The following ILDR2 variants were observed in gnomAD, a reference collection of about 807,000 sequenced individuals.
The protein encoded by ILDR2 is immunoglobulin like domain containing receptor 2, also known as immunoglobulin-like domain-containing receptor 2.
ILDR2 carries 25 observed loss-of-function variants against 66.8 expected under a neutral mutation model. The ratio of observed to expected loss-of-function variants is 0.37; its 90% CI spans 0.27 to 0.52. The LOEUF (loss-of-function observed/expected upper bound fraction) is 0.52. Ranked by LOEUF, ILDR2 falls within the 20% of genes least tolerant of loss-of-function variation. ILDR2 has a pLI of 0.88. For missense variants in ILDR2, 827 were observed against 876.8 expected (o/e 0.94, Z 0.72); for synonymous variants, 367 against 357.2 (o/e 1.03, Z -0.31).
At position 166,936,487 on chromosome 1, in the gene ILDR2, G is replaced by A. The variant is rs1660988215; in HGVS notation, c.703+104C>T. On this transcript the variant is annotated intron_variant, in intron 5 of 9. Transcript: ENST00000271417. This position sits in a 1 kb window ranked among gnomAD's most constrained non-coding sequence, Gnocchi z 5.0. ...GTCTGGAATGACCAATCTTGGGGGT[G>A]GCAGGACAGGAGGTGGAGGAGGAAC... is the stretch of plus-strand genomic sequence containing the variant. 1 of 1,536,158 alleles carries A rather than the reference G, an allele frequency of 6.5e-7. No individual in the cohort carries two copies. Among genetic ancestry groups the A allele is most frequent in the Non-Finnish European group, 8.8e-7 (1 of 1,131,120 alleles).
chr1:166,956,666 G>A lies in ILDR2; in HGVS notation c.499+67C>T. On this transcript the variant is annotated intron_variant, in intron 3 of 9. Transcript: ENST00000271417. ...AATGCACACAGGGGAGAAGTGAGAA[G>A]AGGGATAGGATACAGTGCAAGTGCA... The A allele has an allele frequency of 3.2e-6, 5 of 1,566,886 alleles. No homozygotes were observed. The East Asian group carries it at 9.0e-5, about 28-fold the overall frequency.
chr1:166,947,558 A>T (rs1661699583), intron 3 of ILDR2, among the ~76,000 whole-genome samples: 1 of 152,152 alleles, frequency 6.6e-6, no homozygotes, highest in Admixed American at 6.5e-5. Flanking sequence ...TTGGAGAAAA[A>T]TGGGACAACT....
rs779426071 is a variant in ILDR2 at position 166,936,574 on chromosome 1, G to A, written c.703+17C>T. On this transcript the variant is annotated intron_variant, in intron 5 of 9. Coordinates refer to ENST00000271417, the MANE Select transcript of ILDR2 (RefSeq NM_199351.3). The surrounding 1 kb of genome is among the most constrained non-coding windows in gnomAD (Gnocchi z 5.0). Reference sequence around the variant, plus strand: ...TTCTCTCGATCGCTCTGTCTCCCCAGCGGTCACTGTACTCACAGGCTTGAG... The same window carrying A: ...TTCTCTCGATCGCTCTGTCTCCCCAACGGTCACTGTACTCACAGGCTTGAG... 1.9e-6 allele frequency: 3 copies of A among 1,614,102 alleles called. No individual in the cohort carries two copies. The highest frequency in any genetic ancestry group is 2.5e-6 in the Non-Finnish European group (3 of 1,180,006).
At position 166,938,424 on chromosome 1, in the gene ILDR2, T is replaced by C. The variant is rs1475308783; in HGVS notation, c.556+1090A>G. On this transcript the variant is annotated intron_variant, in intron 4 of 9. Coordinates refer to ENST00000271417, the MANE Select transcript of ILDR2 (RefSeq NM_199351.3). ...GTAACTCTTTCTTGAGACTGGGACA[T>C]GTAACATCTAGTTTCAAGCACTGCA... Among the ~76,000 whole-genome samples the C allele has an allele frequency of 5.3e-5, 8 of 152,202 alleles. No homozygotes were observed. In the East Asian group the frequency reaches 1.5e-3, roughly 29 times the overall value.
At chr1:166,897,792 T>C (rs1659198427) in intron 2 of ILDR2, among the ~76,000 whole-genome samples, 2 of 152,276 alleles carry the variant, frequency 1.3e-5, no homozygotes, top group African/African-American at 4.8e-5. Flanking sequence ...ATCTTTCTTT[T>C]GGCTAGCCCT....
rs925817910 is a variant in ILDR2 at position 166,920,970 on chromosome 1, C to T, written c.1621G>A (p.Gly541Ser). 1.3e-6 allele frequency: 2 copies of T among 1,486,704 alleles called. No individual in the cohort carries two copies. Among genetic ancestry groups the T allele is most frequent in the East Asian group, 2.8e-5 (1 of 35,750 alleles). The allele number at this position is 1,486,704 out of a possible 1,614,324, so 92.1% of individuals were successfully genotyped here. ...SARERQARPE[G>S]ASRGGSLETP... The stretch of plus-strand genomic sequence containing the variant: ...TCCAGGCTGCCACCGCGGCTGGCGC[C>T]CTCGGGCCGCGCCTGGCGCTCCCGC... The change falls in exon 9 of 10, where the codon GGC becomes AGC. Residue 541 changes from glycine (G) to serine (S), a missense_variant. Physicochemically the swap from Gly to Ser is moderately conservative, Grantham distance 56. Transcript: ENST00000271417.
At chr1:166,968,707 T>G (rs1400846033) in intron 1 of ILDR2, among the ~76,000 whole-genome samples, 1 of 151,994 alleles carries the variant, frequency 6.6e-6, no homozygotes, top group Admixed American at 6.6e-5. Flanking sequence ...AGCAGAAGCT[T>G]TAAAGGCATT....
At chr1:166,939,106 A>G (rs1661156778) in intron 4 of ILDR2, among the ~76,000 whole-genome samples, 1 of 152,258 alleles carries the variant, frequency 6.6e-6, no homozygotes, top group Non-Finnish European at 1.5e-5. Flanking sequence ...ATGTTATAAA[A>G]GGCAATTCAG....
At chr1:166,947,671 T>TC (rs1053200603) in intron 3 of ILDR2, among the ~76,000 whole-genome samples, 32 of 151,542 alleles carry the variant, frequency 2.1e-4, no homozygotes, top group Middle Eastern at 6.9e-3. Context: ...CCCCGTTTCC[T>TC]CCCCCGCTCG....
chr1:166,960,364 T>C (rs763750024), intron 1 of ILDR2, among the ~76,000 whole-genome samples: 5 of 152,208 alleles, frequency 3.3e-5, no homozygotes, highest in Non-Finnish European at 5.9e-5. Flanking sequence ...ACTAGTTAAA[T>C]GAGTCAGAAG....
At chr1:166,972,882 G>A (rs958432484) in intron 1 of ILDR2, among the ~76,000 whole-genome samples, 1 of 152,046 alleles carries the variant, frequency 6.6e-6, no homozygotes, top group African/African-American at 2.4e-5. Context: ...CATTGATTGG[G>A]CTGGACTAAA....
intron 7 of ILDR2, among the ~76,000 whole-genome samples, chr1:166,924,490 C>A (rs946588873): frequency 1.5e-4 from 23 of 152,136 alleles, no homozygotes; most frequent in African/African-American, 5.6e-4. Context: ...AAAATTTCTG[C>A]CAAGTTGAAC....
intron 2 of ILDR2, among the ~76,000 whole-genome samples, chr1:166,898,083 G>A (rs990472849): frequency 4.6e-5 from 7 of 152,132 alleles, no homozygotes; most frequent in Non-Finnish European, 1.0e-4. Context: ...AAAACAAGTT[G>A]ACAATGACTC....
At position 166,913,319 on chromosome 1, in the gene ILDR2, T is replaced by C. The variant is rs1162152847; in HGVS notation, c.*6036A>G. 1 of 152,184 alleles carries C rather than the reference T, an allele frequency of 6.6e-6. No homozygotes were observed. Among genetic ancestry groups the C allele is most frequent in the African/African-American group, 2.4e-5 (1 of 41,450 alleles). The allele number at this position is 152,184 out of a possible 1,614,324, so 9.4% of individuals were successfully genotyped here. ...TAATACAAACATTTCAGTTTTGATG[T>C]CACAAGGCACAAAGACAACTGACAG... On this transcript the variant is annotated 3_prime_UTR_variant, in exon 10 of 10. Coordinates refer to ENST00000271417, the MANE Select transcript of ILDR2 (RefSeq NM_199351.3).
intron 3 of ILDR2, among the ~76,000 whole-genome samples, chr1:166,953,682 A>G (rs562067776): frequency 6.6e-6 from 1 of 152,182 alleles, no homozygotes; most frequent in Non-Finnish European, 1.5e-5. Context: ...TCTTGTAACC[A>G]ATCTGTTACT....
rs1660347456 is a variant in ILDR2 at position 166,927,109 on chromosome 1, C to G, written c.952G>C (p.Glu318Gln). 1.9e-6 allele frequency: 3 copies of G among 1,613,502 alleles called. No individual in the cohort carries two copies. In the East Asian group the frequency reaches 6.7e-5, roughly 36 times the overall value. Residue 318 changes from glutamate (E) to glutamine (Q), a missense_variant, in exon 7 of 10, where the codon GAG becomes CAG. Physicochemically the swap from Glu to Gln is conservative, Grantham distance 29. Transcript: ENST00000271417. ...SMKVLYYVEKELAQFDPARRM... is the reference protein window; with the variant it reads ...SMKVLYYVEKQLAQFDPARRM... ...CTGGCTGGATCAAACTGAGCCAGCTCCTTCTCAACATAGTACAGGACCTTC... is the reference window on the plus strand; with the variant it reads ...CTGGCTGGATCAAACTGAGCCAGCTGCTTCTCAACATAGTACAGGACCTTC...
downstream of ILDR2, among the ~76,000 whole-genome samples, chr1:166,906,558 T>C (rs1659353645): frequency 1.3e-5 from 2 of 152,118 alleles, no homozygotes; most frequent in South Asian, 2.1e-4. Context: ...AGAAAAGAAG[T>C]AGAGGTAGAG....
chr1:166,926,210 C>G (rs1052478140), intron 7 of ILDR2, among the ~76,000 whole-genome samples: 2 of 152,084 alleles, frequency 1.3e-5, no homozygotes, highest in Non-Finnish European at 2.9e-5. Context: ...GGTAAAGAGA[C>G]AGCATAATGA....
At chr1:166,948,818 T>A (rs936194767) in intron 3 of ILDR2, among the ~76,000 whole-genome samples, 11 of 152,148 alleles carry the variant, frequency 7.2e-5, no homozygotes, top group Non-Finnish European at 1.5e-4. Context: ...AGATTAGAGA[T>A]GAAACGCTGG....
Sources: gnomAD v4.1 joint callset for allele counts (sites outside exome capture counted in the v4.1 genomes callset) on GRCh38, gnomAD v4.1.1 for gene constraint, Gnocchi (gnomAD v3.1) non-coding constraint, MANE v1.5 for transcripts, NCBI Gene and HGNC (gene_info 2026-07-23, HGNC 2026-07-21) for gene names.